Variants in CCDC146 observed in about 807,000 individuals in gnomAD.
CCDC146 encodes coiled-coil domain containing 146, also known as coiled-coil domain-containing protein 146.
Under a neutral mutation model 119.3 loss-of-function variants are expected in CCDC146, and 92 were observed. The ratio of observed to expected loss-of-function variants is 0.77; its 90% CI spans 0.65 to 0.92. The LOEUF (loss-of-function observed/expected upper bound fraction) is 0.92. CCDC146 is among the 40% of genes least tolerant of loss of function. The probability of loss-of-function intolerance (pLI) is 0.00; values close to 1 mark genes in which losing one functional copy is unlikely to be tolerated. For missense variants in CCDC146, 1,000 were observed against 1,103.0 expected, an observed-to-expected ratio of 0.91 and a Z score of 1.32; for synonymous variants, 372 against 371.8, an observed-to-expected ratio of 1.00 and a Z score of -0.01.
intron 4 of CCDC146, among the ~76,000 whole-genome samples, chr7:77,244,640 T>TA (rs1320426756): frequency 6.6e-6 from 1 of 152,218 alleles, no homozygotes; most frequent in Non-Finnish European, 1.5e-5. Flanking sequence ...CCTAGATGTG[T>TA]AGTAGGCTAC....
intron 2 of CCDC146, among the ~76,000 whole-genome samples, chr7:77,221,797 G>T (rs1408102124): frequency 1.3e-5 from 2 of 152,186 alleles, no homozygotes; most frequent in African/African-American, 4.8e-5. Context: ...TTGAGAACCT[G>T]AGTGTCAGGC....
In CCDC146 at chr7:77,282,671, G is replaced by T. The variant is rs1176543816; in HGVS notation, c.2034G>T (p.Lys678Asn). 1 of 1,613,502 alleles carries T rather than the reference G, an allele frequency of 6.2e-7. No homozygotes were observed. The highest frequency in any genetic ancestry group is 1.1e-5 in the South Asian group (1 of 91,060). Reference sequence around the variant, plus strand: ...TTGAAATACATCTACTGGAAGAAAAGATCCAATTCCTGAAAATGAAGATTG... The same window carrying T: ...TTGAAATACATCTACTGGAAGAAAATATCCAATTCCTGAAAATGAAGATTG... ...GEIEIHLLEE[K>N]IQFLKMKIAE... Residue 678 changes from lysine to asparagine, a missense_variant, in exon 15 of 19, where the codon AAG becomes AAT. Around this residue, in one of 2 missense-constraint regions of CCDC146, gnomAD observed 985 missense variants for 1,045.3 expected, o/e 0.94. Transcript: ENST00000285871.
chr7:77,157,693 G>T (rs978454568), intron 1 of CCDC146, among the ~76,000 whole-genome samples: 2 of 152,130 alleles, frequency 1.3e-5, no homozygotes, highest in Non-Finnish European at 2.9e-5. Context: ...GTACTGCCTT[G>T]CCTCCTTCCA....
intron 1 of CCDC146, among the ~76,000 whole-genome samples, chr7:77,141,816 C>T (rs1351109162): frequency 6.6e-6 from 1 of 151,880 alleles, no homozygotes; most frequent in Non-Finnish European, 1.5e-5. Flanking sequence ...GGATATTAGC[C>T]CTTTGTCAGA....
At chr7:77,153,817 G>C (rs1014249454) in intron 1 of CCDC146, among the ~76,000 whole-genome samples, 2 of 151,402 alleles carry the variant, frequency 1.3e-5, no homozygotes, top group African/African-American at 4.9e-5. Flanking sequence ...CCTTTGGAAG[G>C]GAATTGAAAA....
intron 2 of CCDC146, among the ~76,000 whole-genome samples, chr7:77,233,759 G>A (rs914231375): frequency 6.6e-6 from 1 of 152,204 alleles, no homozygotes; most frequent in African/African-American, 2.4e-5. Flanking sequence ...TCACTTGCCC[G>A]CTGCTCATCT....
intron 2 of CCDC146, among the ~76,000 whole-genome samples, chr7:77,183,102 C>T (rs767898561): frequency 3.0e-4 from 46 of 152,226 alleles, no homozygotes; most frequent in Admixed American, 6.5e-4. Flanking sequence ...GCATATCAAG[C>T]GGCAAAACTT....
intron 2 of CCDC146, among the ~76,000 whole-genome samples, chr7:77,232,263 T>A (rs2150476931): frequency 6.6e-6 from 1 of 152,250 alleles, no homozygotes; most frequent in East Asian, 1.9e-4. Flanking sequence ...ACTTTTGGAG[T>A]TCGAGGAGTT....
At chr7:77,194,325 C>T (rs181395302) in intron 2 of CCDC146, 15 of 152,084 alleles carry the variant, frequency 9.9e-5, no homozygotes, top group Admixed American at 3.9e-4. Flanking sequence ...AATATCAAAA[C>T]GTTTTTAGTC....
Position 77,241,901 on chromosome 7 carries a change from G to T in CCDC146, c.449+1G>T. ...TCCATAATCAGTACAGATTAAATAG[G>T]TAAGTGCACAGTTCTCTCCGGCACA... On this transcript the variant is annotated splice_donor_variant, in intron 4 of 18. Transcript: ENST00000285871. LOFTEE classifies it high-confidence loss of function. 1 of 1,603,424 alleles carries T rather than the reference G, an allele frequency of 6.2e-7. No homozygotes were observed. Among genetic ancestry groups the T allele is most frequent in the Non-Finnish European group, 8.5e-7 (1 of 1,170,480 alleles).
In CCDC146 at chr7:77,271,904, CTCA is replaced by C. The variant is rs145065775; in HGVS notation, c.1174-1785_1174-1783del. ...TGACATAGTAGCTAGTGAGTGTGTT[CTCA>C]TCATATTTTCTGTCGAAACCTCATA... is the stretch of plus-strand genomic sequence containing the variant. On this transcript the variant is annotated intron_variant, in intron 9 of 18. Coordinates refer to ENST00000285871, the MANE Select transcript of CCDC146 (RefSeq NM_020879.3). Among the ~76,000 whole-genome samples the C allele has an allele frequency of 8.4e-3, 1,286 of 152,196 alleles. 21 individuals carry two copies. Among genetic ancestry groups the C allele is most frequent in the African/African-American group, 0.029 (1,219 of 41,520 alleles).
At chr7:77,218,631 G>T (rs78387976) in intron 2 of CCDC146, among the ~76,000 whole-genome samples, 375 of 136,616 alleles carry the variant, frequency 2.7e-3, no homozygotes, top group African/African-American at 9.2e-3. Context: ...TTTTTTTTTG[G>T]CAGGGTCTCA....
intron 3 of CCDC146, among the ~76,000 whole-genome samples, chr7:77,237,630 C>T (rs893490087): frequency 6.6e-6 from 1 of 151,288 alleles, no homozygotes; most frequent in African/African-American, 2.4e-5. Flanking sequence ...TCTCCAACAA[C>T]CCCAGCTTGA....
chr7:77,238,579 G>C (rs573284190), intron 3 of CCDC146, among the ~76,000 whole-genome samples: 1 of 152,208 alleles, frequency 6.6e-6, no homozygotes, highest in South Asian at 2.1e-4. Context: ...ACCACACCCA[G>C]CTAATTTTTT....
chr7:77,142,432 C>T (rs895883118), intron 1 of CCDC146, among the ~76,000 whole-genome samples: 6 of 148,884 alleles, frequency 4.0e-5, no homozygotes, highest in Admixed American at 2.7e-4. Flanking sequence ...TATACATGTG[C>T]CATGTGTACA....
chr7:77,154,416 CA>C (rs1185745762), intron 1 of CCDC146, among the ~76,000 whole-genome samples: 1 of 151,868 alleles, frequency 6.6e-6, no homozygotes, highest in East Asian at 1.9e-4. Context: ...ATTAACTCAT[CA>C]TTTACATTAG....
chr7:77,232,537 A>G (rs528082143), intron 2 of CCDC146, among the ~76,000 whole-genome samples: 11 of 152,226 alleles, frequency 7.2e-5, no homozygotes, highest in Non-Finnish European at 1.5e-5. Flanking sequence ...GCTCTGGGAC[A>G]TGAATATCCT....
At chr7:77,128,385 C>A (rs1250582387) in intron 1 of CCDC146, among the ~76,000 whole-genome samples, 1 of 151,992 alleles carries the variant, frequency 6.6e-6, no homozygotes, top group Non-Finnish European at 1.5e-5. Context: ...ATTTTTGCTT[C>A]ATTTCCTTCT....
chr7:77,264,937 T>C (rs759251119), intron 9 of CCDC146, among the ~76,000 whole-genome samples: 1 of 152,242 alleles, frequency 6.6e-6, no homozygotes, highest in Non-Finnish European at 1.5e-5. Flanking sequence ...ATATAAGTTA[T>C]TTGTATTTTT....
Sources: allele counts gnomAD v4.1 joint callset (sites outside exome capture counted in the v4.1 genomes callset), GRCh38; gene constraint gnomAD v4.1.1; regional missense constraint gnomAD v4.1.1; transcripts MANE v1.5; gene names NCBI Gene and HGNC (gene_info 2026-07-23, HGNC 2026-07-21).